The following SPAG16 variants were observed in gnomAD, a reference collection of about 807,000 sequenced individuals.
SPAG16 encodes sperm-associated antigen 16 protein.
A neutral mutation model predicts 80.4 loss-of-function variants in SPAG16; 86 were observed. The observed-to-expected ratio is 1.07, with a 90% CI of 0.90 to 1.28. The LOEUF (loss-of-function observed/expected upper bound fraction) is 1.28. SPAG16 is among the 50% of genes most tolerant of loss of function. The pLI is 0.00. For missense variants in SPAG16, 870 were observed against 765.3 expected (o/e 1.14, Z -1.61); for synonymous variants, 294 against 265.9 (o/e 1.11, Z -1.03).
At chr2:213,874,337 AAC>A (rs1182864208) in intron 11 of SPAG16, among the ~76,000 whole-genome samples, 2 of 152,162 alleles carry the variant, frequency 1.3e-5, no homozygotes, top group Non-Finnish European at 2.9e-5. Context: ...TTATTTTGTT[AAC>A]AGTTTGAAAC....
intron 15 of SPAG16, among the ~76,000 whole-genome samples, chr2:214,313,585 T>C (rs543073271): frequency 7.2e-5 from 11 of 152,268 alleles, no homozygotes; most frequent in African/African-American, 2.4e-4. Context: ...TATTATCTAG[T>C]TTGAAAAGTT....
chr2:213,461,106 A>C (rs1273116432), intron 9 of SPAG16, among the ~76,000 whole-genome samples: 1 of 152,178 alleles, frequency 6.6e-6, no homozygotes, highest in African/African-American at 2.4e-5. Flanking sequence ...TACAGTGACT[A>C]TTATGGATAA....
intron 14 of SPAG16, among the ~76,000 whole-genome samples, chr2:214,136,753 A>G (rs2055076505): frequency 6.6e-6 from 1 of 152,144 alleles, no homozygotes; most frequent in African/African-American, 2.4e-5. Flanking sequence ...CCATTAGAGT[A>G]TTGAGGAAAT....
chr2:214,268,492 T>G (rs1203692894), intron 15 of SPAG16, among the ~76,000 whole-genome samples: 2 of 151,974 alleles, frequency 1.3e-5, no homozygotes, highest in Non-Finnish European at 2.9e-5. Context: ...TTTGTCATTT[T>G]TGACAACATG....
intron 13 of SPAG16, among the ~76,000 whole-genome samples, chr2:214,032,727 T>C (rs753466791): frequency 5.9e-5 from 9 of 152,312 alleles, no homozygotes; most frequent in South Asian, 2.1e-4. Flanking sequence ...TTGGAAAAGA[T>C]AAAGTAAAAC....
intron 3 of SPAG16, among the ~76,000 whole-genome samples, chr2:213,308,610 TAACAGG>T (rs1559394247): frequency 3.9e-5 from 6 of 152,176 alleles, no homozygotes; most frequent in Admixed American, 2.6e-4. Context: ...AAACAGAAGT[TAACAGG>T]GTTGCAACAT....
At chr2:213,960,523 C>G (rs979350297) in intron 12 of SPAG16, among the ~76,000 whole-genome samples, 1 of 151,918 alleles carries the variant, frequency 6.6e-6, no homozygotes, top group Non-Finnish European at 1.5e-5. Flanking sequence ...TCTTTCTTCC[C>G]CAGGGTTTGC....
intron 15 of SPAG16, among the ~76,000 whole-genome samples, chr2:214,305,274 C>T (rs189219737): frequency 6.6e-6 from 1 of 152,178 alleles, no homozygotes; most frequent in Admixed American, 6.5e-5. Flanking sequence ...TGTTATTAGA[C>T]CTTTGTCAGA....
intron 9 of SPAG16, among the ~76,000 whole-genome samples, chr2:213,401,502 T>C (rs954381813): frequency 6.6e-6 from 1 of 152,216 alleles, no homozygotes; most frequent in African/African-American, 2.4e-5. Context: ...TAAACAAGTG[T>C]TTGTTCTATT....
At chr2:213,988,195 A>G (rs1559663153) in intron 12 of SPAG16, among the ~76,000 whole-genome samples, 1 of 152,096 alleles carries the variant, frequency 6.6e-6, no homozygotes, top group Non-Finnish European at 1.5e-5. Flanking sequence ...TGATAAAGCT[A>G]ACAGACAGAA....
intron 15 of SPAG16, among the ~76,000 whole-genome samples, chr2:214,277,287 C>T (rs777240903): frequency 2.5e-4 from 38 of 152,098 alleles, no homozygotes; most frequent in Non-Finnish European, 3.7e-4. Context: ...AGCCTAGTTC[C>T]GTCAACTCGT....
At chr2:214,030,924 A>G (rs2048374426) in intron 13 of SPAG16, among the ~76,000 whole-genome samples, 1 of 152,234 alleles carries the variant, frequency 6.6e-6, no homozygotes, top group Admixed American at 6.5e-5. Flanking sequence ...CTGGATAAAT[A>G]GCTCAGCATT....
intron 11 of SPAG16, among the ~76,000 whole-genome samples, chr2:213,875,645 G>A (rs573252345): frequency 6.6e-6 from 1 of 152,198 alleles, no homozygotes; most frequent in African/African-American, 2.4e-5. Context: ...CAGACTCTGC[G>A]GAATTGAGAT....
At chr2:213,993,798 A>G (rs2046392036) in intron 12 of SPAG16, among the ~76,000 whole-genome samples, 1 of 152,218 alleles carries the variant, frequency 6.6e-6, no homozygotes, top group South Asian at 2.1e-4. Flanking sequence ...GCATATGTAA[A>G]TCTACCAAGA....
chr2:213,338,144 T>G (rs1457190724), intron 5 of SPAG16, among the ~76,000 whole-genome samples: 1 of 152,096 alleles, frequency 6.6e-6, no homozygotes, highest in Non-Finnish European at 1.5e-5. Flanking sequence ...AGAAATAAAA[T>G]CTTTTTCAGA....
chr2:213,892,192 C>T lies in SPAG16; in HGVS notation c.1214+29564C>T, dbSNP rs78568283. On this transcript the variant is annotated intron_variant, in intron 11 of 15. Transcript: ENST00000331683. ...GCCTTCCTCCCTGCCAGGACATCCC[C>T]TTTAGGACCTTCTCCACTTGGGAAA... 9.7e-3 allele frequency among the ~76,000 whole-genome samples: 1,482 copies of T among 152,094 alleles called. 34 individuals are homozygous for T. Among genetic ancestry groups the T allele is most frequent in the African/African-American group, 0.034 (1,409 of 41,496 alleles).
At chr2:213,381,082 T>TTA (rs370130508) in intron 9 of SPAG16, among the ~76,000 whole-genome samples, 103,223 of 151,912 alleles carry the variant, frequency 0.68, 35,860 homozygotes, top group East Asian at 1. Flanking sequence ...TCCACTGGGC[T>TTA]TACCGTAAAA....
chr2:213,422,016 GT>G, intron 9 of SPAG16: 1 of 581,542 alleles, frequency 1.7e-6, no homozygotes, highest in Non-Finnish European at 3.1e-6. Flanking sequence ...CCACCTACCA[GT>G]TTTTCATGTA....
intron 10 of SPAG16, among the ~76,000 whole-genome samples, chr2:213,535,515 TAAAAC>T (rs1233239417): frequency 1.3e-5 from 2 of 152,154 alleles, no homozygotes; most frequent in African/African-American, 2.4e-5. Flanking sequence ...ATAAAAATAT[TAAAAC>T]AAACTTTTTT....
Sources: allele counts gnomAD v4.1 joint callset (sites outside exome capture counted in the v4.1 genomes callset), GRCh38; gene constraint gnomAD v4.1.1; transcripts MANE v1.5; gene names NCBI Gene and HGNC (gene_info 2026-07-23, HGNC 2026-07-21).